The following RAB3C variants were observed in gnomAD, a reference collection of about 807,000 sequenced individuals.
RAB3C encodes the protein RAB3C, member RAS oncogene family.
A neutral mutation model predicts 26.4 loss-of-function variants in RAB3C; 17 were observed. The ratio of observed to expected loss-of-function variants is 0.64; its 90% CI spans 0.44 to 0.97. The LOEUF is 0.97. Among genes scored for constraint, RAB3C ranks in the 50% least tolerant of loss-of-function variants. The pLI is 0.00. For missense variants in RAB3C, 242 were observed against 281.9 expected (o/e 0.86, Z 1.01); for synonymous variants, 91 against 95.9 (o/e 0.95, Z 0.30).
rs993739378 is a variant in RAB3C at position 58,719,033 on chromosome 5, C to T, written c.253-6969C>T. ...AGTATTAATGACATTACACAAACAA[C>T]ATGGTGTGTAATAATTGAAATTCTG... On this transcript the variant is annotated intron_variant, in intron 2 of 4. Coordinates refer to ENST00000282878, the MANE Select transcript of RAB3C (RefSeq NM_138453.4). 3.9e-5 allele frequency among the ~76,000 whole-genome samples: 6 copies of T among 151,904 alleles called. No individual in the cohort carries two copies. In the South Asian group the frequency reaches 8.3e-4, roughly 21 times the overall value.
chr5:58,582,443 TGCTTAGCCAGAAATCTC>T (rs1745918872), upstream of RAB3C: 1 of 984,928 alleles, frequency 1.0e-6, no homozygotes, highest in African/African-American at 1.7e-5. Context: ...TTCCTTGGGG[TGCTTAGCCAGAAATCTC>T]GCTTTCACGC....
intron 3 of RAB3C, among the ~76,000 whole-genome samples, chr5:58,732,335 T>C (rs1741044333): frequency 1.3e-5 from 2 of 152,108 alleles, no homozygotes; most frequent in South Asian, 4.1e-4. Context: ...TATATAGCTC[T>C]CATTATAGGA....
chr5:58,639,395 T>C (rs922459471), intron 2 of RAB3C, among the ~76,000 whole-genome samples: 5 of 152,254 alleles, frequency 3.3e-5, no homozygotes, highest in East Asian at 1.9e-4. Flanking sequence ...ACAACAAAAA[T>C]TATTTTCTCA....
At chr5:58,746,394 A>G (rs1291198497) in intron 3 of RAB3C, among the ~76,000 whole-genome samples, 5 of 152,154 alleles carry the variant, frequency 3.3e-5, no homozygotes, top group Admixed American at 2.0e-4. Context: ...GGGAGAGAGA[A>G]TGGGTGATAT....
chr5:58,594,005 T>A (rs1436982417), intron 1 of RAB3C, among the ~76,000 whole-genome samples: 1 of 152,172 alleles, frequency 6.6e-6, no homozygotes, highest in African/African-American at 2.4e-5. Context: ...TCCTACAGTC[T>A]TAGCTTTTTA....
chr5:58,625,234 T>A (rs1550817), intron 2 of RAB3C, among the ~76,000 whole-genome samples: 17,887 of 152,210 alleles, frequency 0.12, 1,332 homozygotes, highest in Non-Finnish European at 0.16. Flanking sequence ...GGAAATTTTA[T>A]TTTTAACCTC....
chr5:58,742,634 C>T (rs1043568892), intron 3 of RAB3C, among the ~76,000 whole-genome samples: 2 of 152,144 alleles, frequency 1.3e-5, no homozygotes, highest in Non-Finnish European at 2.9e-5. Context: ...TAAATTATTT[C>T]CTTATCATTC....
intron 2 of RAB3C, among the ~76,000 whole-genome samples, chr5:58,691,342 C>A (rs1579860083): frequency 6.6e-6 from 1 of 152,026 alleles, no homozygotes; most frequent in Non-Finnish European, 1.5e-5. Context: ...AGATTAACAA[C>A]CGGAGAGTGT....
At chr5:58,738,138 C>A (rs1438279385) in intron 3 of RAB3C, among the ~76,000 whole-genome samples, 1 of 152,174 alleles carries the variant, frequency 6.6e-6, no homozygotes, top group Non-Finnish European at 1.5e-5. Context: ...TTCAAAGTTT[C>A]TCTTACTGTT....
chr5:58,609,747 TA>T lies in RAB3C; in HGVS notation c.25-7892del, dbSNP rs147080566. On this transcript the variant is annotated intron_variant, in intron 1 of 4. Coordinates refer to ENST00000282878, the MANE Select transcript of RAB3C (RefSeq NM_138453.4). ...TGTATACATTCTCCTATGAATCCCA[TA>T]AAATAGTTATTCATTCCCTGCTAAG... Among the ~76,000 whole-genome samples, 1,500 of 152,246 alleles carry T rather than the reference TA, an allele frequency of 9.9e-3. 24 individuals carry two copies. The highest frequency in any genetic ancestry group is 0.034 in the African/African-American group (1,425 of 41,554).
intron 3 of RAB3C, among the ~76,000 whole-genome samples, chr5:58,818,748 G>A (rs748427874): frequency 1.7e-4 from 26 of 152,332 alleles, no homozygotes; most frequent in Non-Finnish European, 2.9e-4. Context: ...CGCTTTCAGT[G>A]TGTGTCTCTA....
chr5:58,652,752 G>T (rs569552486), intron 2 of RAB3C, among the ~76,000 whole-genome samples: 41 of 150,854 alleles, frequency 2.7e-4, no homozygotes, highest in African/African-American at 9.2e-4. Context: ...ATGACAGTTT[G>T]TTAATTCTGT....
chr5:58,764,376 T>G (rs1025821981), intron 3 of RAB3C, among the ~76,000 whole-genome samples: 1 of 152,202 alleles, frequency 6.6e-6, no homozygotes, highest in Non-Finnish European at 1.5e-5. Context: ...TGCTTTGTTC[T>G]AGAGGCAAGG....
chr5:58,675,901 C>G (rs1561285998), intron 2 of RAB3C, among the ~76,000 whole-genome samples: 1 of 152,052 alleles, frequency 6.6e-6, no homozygotes, highest in Non-Finnish European at 1.5e-5. Context: ...TTCCATTCTG[C>G]TCAAGTCTAG....
chr5:58,615,573 A>G (rs1417027997), intron 1 of RAB3C, among the ~76,000 whole-genome samples: 4 of 152,116 alleles, frequency 2.6e-5, no homozygotes, highest in South Asian at 4.1e-4. Flanking sequence ...TTGCAATCCT[A>G]CTTTTGCCCT....
intron 3 of RAB3C, among the ~76,000 whole-genome samples, chr5:58,777,707 T>C (rs1299989022): frequency 6.6e-6 from 1 of 151,782 alleles, no homozygotes; most frequent in African/African-American, 2.4e-5. Flanking sequence ...TAACTCGTTA[T>C]TTACATTAGG....
intron 1 of RAB3C, among the ~76,000 whole-genome samples, chr5:58,607,212 C>T (rs1746592215): frequency 6.6e-6 from 1 of 152,050 alleles, no homozygotes; most frequent in Non-Finnish European, 1.5e-5. Flanking sequence ...GTAGAAAGGA[C>T]CTTAAGTGAC....
At chr5:58,720,723 T>A (rs1740730448) in intron 2 of RAB3C, among the ~76,000 whole-genome samples, 1 of 151,908 alleles carries the variant, frequency 6.6e-6, no homozygotes, top group African/African-American at 2.4e-5. Context: ...CCTATAAAAT[T>A]GTCTACTTTA....
At chr5:58,812,263 G>T (rs1344519088) in intron 3 of RAB3C, among the ~76,000 whole-genome samples, 1 of 152,040 alleles carries the variant, frequency 6.6e-6, no homozygotes, top group Non-Finnish European at 1.5e-5. Flanking sequence ...GGAAAGAGTT[G>T]TATAAGCCTT....
Sources: gnomAD v4.1 joint callset for allele counts (sites outside exome capture counted in the v4.1 genomes callset) on GRCh38, gnomAD v4.1.1 for gene constraint, MANE v1.5 for transcripts, NCBI Gene and HGNC (gene_info 2026-07-23, HGNC 2026-07-21) for gene names.